Variants in ABLIM2 observed in about 807,000 individuals in gnomAD.
ABLIM2 encodes the protein actin-binding LIM protein 2.
ABLIM2 carries 53 observed loss-of-function variants against 97.7 expected under a neutral mutation model. That is an observed-to-expected ratio of 0.54 (90% CI 0.44 to 0.68). The LOEUF is 0.68. Among genes scored for constraint, ABLIM2 ranks in the 30% least tolerant of loss-of-function variants. The pLI is 0.00. For synonymous variants in ABLIM2, 361 were observed against 345.8 expected, an observed-to-expected ratio of 1.04 and a Z score of -0.49; for missense variants, 835 against 867.2, an observed-to-expected ratio of 0.96 and a Z score of 0.47.
At chr4:8,142,536 C>T (rs755881758) in intron 1 of ABLIM2, among the ~76,000 whole-genome samples, 2 of 152,226 alleles carry the variant, frequency 1.3e-5, no homozygotes, top group Non-Finnish European at 2.9e-5. Context: ...AAACAAGTGC[C>T]CACCCCAGCC....
At chr4:8,039,562 G>A (rs1786769863) in intron 9 of ABLIM2, among the ~76,000 whole-genome samples, 1 of 152,144 alleles carries the variant, frequency 6.6e-6, no homozygotes, top group African/African-American at 2.4e-5. Context: ...TGTGTAAAGG[G>A]TTTTTCCTCT....
chr4:8,002,265 T>A lies in ABLIM2; in HGVS notation c.1618+5794A>T, dbSNP rs1282259477. Among the ~76,000 whole-genome samples, 3 of 152,098 alleles carry A rather than the reference T, an allele frequency of 2.0e-5. No individual in the cohort carries two copies. Among genetic ancestry groups the A allele is most frequent in the Admixed American group, 1.3e-4 (2 of 15,276 alleles). On this transcript the variant is annotated intron_variant, in intron 16 of 20. Transcript: ENST00000447017. The surrounding 1 kb of genome is among the most constrained non-coding windows in gnomAD (Gnocchi z 6.1). The stretch of plus-strand genomic sequence containing the variant: ...AAGCCAACATGAAGACACCCACCTG[T>A]TCTCATCCCATCTCTGAATAAAGGT...
chr4:8,141,042 C>G (rs555931946), intron 1 of ABLIM2, among the ~76,000 whole-genome samples: 1 of 152,112 alleles, frequency 6.6e-6, no homozygotes, highest in Non-Finnish European at 1.5e-5. Context: ...CTGAGCTGCC[C>G]TTGCCTTAGC....
chr4:8,121,221 T>C (rs979417220), intron 1 of ABLIM2, among the ~76,000 whole-genome samples: 2 of 152,188 alleles, frequency 1.3e-5, no homozygotes, highest in East Asian at 3.9e-4. Context: ...CACACGGGGC[T>C]GGCAGGAGTT....
Position 7,984,860 on chromosome 4 carries a change from C to A in ABLIM2, c.1714G>T (p.Asp572Tyr), listed in dbSNP as rs773972716. 1.2e-6 allele frequency: 2 copies of A among 1,607,514 alleles called. No individual in the cohort carries two copies. The highest frequency in any genetic ancestry group is 1.7e-6 in the Non-Finnish European group (2 of 1,177,426). The part of the protein sequence containing the change: ...ANLAPCGADP[D>Y]ASWGMREYKI... ...GTACCTCGCATGCCCCAGCTGGCAT[C>A]CGGGTCTGCTCCACAGGGGGCCAGA... Residue 572 changes from aspartate to tyrosine, a missense_variant, in exon 18 of 21, where the codon GAT becomes TAT. Physicochemically the swap from Asp to Tyr is radical, Grantham distance 160. Transcript: ENST00000447017.
rs1167615555 is a variant in ABLIM2 at position 7,980,941 on chromosome 4, A to ATTTTTTTTTTTTTTTTTTTTTTTTTT, written c.1824+2322_1824+2323insAAAAAAAAAAAAAAAAAAAAAAAAAA. ...AGAACCATGGTCTCCACAACCCCTT[A>ATTTTTTTTTTTTTTTTTTTTTTTTTT]TTTTTTTTTTTTTTTTTTTTGAGAT... is the stretch of plus-strand genomic sequence containing the variant. On this transcript the variant is annotated intron_variant, in intron 20 of 20. Coordinates refer to ENST00000447017, the MANE Select transcript of ABLIM2 (RefSeq NM_001130083.2). 2.0e-3 allele frequency among the ~76,000 whole-genome samples: 165 copies of ATTTTTTTTTTTTTTTTTTTTTTTTTT among 82,956 alleles called. 30 individuals carry two copies. The highest frequency in any genetic ancestry group is 3.0e-3 in the African/African-American group (54 of 18,102). The allele number at this position is 82,956 out of a possible 152,430, so 54.4% of individuals were successfully genotyped here.
rs532898019 is a variant in ABLIM2, at chr4:8,051,314, C to T, written c.822+2874G>A. Among the ~76,000 whole-genome samples the T allele has an allele frequency of 2.1e-3, 318 of 152,078 alleles. 1 individual carries two copies. Among genetic ancestry groups the T allele is most frequent in the South Asian group, 8.9e-3 (43 of 4,814 alleles). On this transcript the variant is annotated intron_variant, in intron 8 of 20. Transcript: ENST00000447017. ...CTGTAATCCCAGCACTTTGGGAGGC[C>T]GAGGCGGGCGGATCCCGAGGTCAAG... is the stretch of plus-strand genomic sequence containing the variant.
Position 7,996,511 on chromosome 4 carries a change from T to C in ABLIM2, c.1619-3584A>G, listed in dbSNP as rs567829369. On this transcript the variant is annotated intron_variant, in intron 16 of 20. Coordinates refer to ENST00000447017, the MANE Select transcript of ABLIM2 (RefSeq NM_001130083.2). This position sits in a 1 kb window ranked among gnomAD's most constrained non-coding sequence, Gnocchi z 4.5. ...TTTATCCTCCCCACTTTGACTATGA[T>C]AGTCTCAGGGACGTCTTCTGTTTCC... Among the ~76,000 whole-genome samples the C allele has an allele frequency of 4.6e-5, 7 of 152,328 alleles. No individual in the cohort carries two copies. Among genetic ancestry groups the C allele is most frequent in the African/African-American group, 1.7e-4 (7 of 41,576 alleles).
chr4:8,055,551 C>T (rs889835810), intron 7 of ABLIM2, among the ~76,000 whole-genome samples: 3 of 152,236 alleles, frequency 2.0e-5, no homozygotes, highest in South Asian at 2.1e-4. Context: ...TTTGCTCCCA[C>T]GAAGGTGAGG....
At chr4:8,018,402 G>T (rs1053580608) in intron 14 of ABLIM2, among the ~76,000 whole-genome samples, 1 of 152,160 alleles carries the variant, frequency 6.6e-6, no homozygotes, top group Admixed American at 6.5e-5. Flanking sequence ...GTAACCCAAG[G>T]GAACTGGTCT....
intron 20 of ABLIM2, 42 bp from the exon 21 acceptor site, chr4:7,967,145 G>T: frequency 6.5e-7 from 1 of 1,531,574 alleles, no homozygotes. Flanking sequence ...AGTTAGCCAC[G>T]CAGCAAGGGA....
chr4:8,002,772 A>T lies in ABLIM2; in HGVS notation c.1618+5287T>A, dbSNP rs573749973. Among the ~76,000 whole-genome samples, 30 of 152,154 alleles carry T rather than the reference A, an allele frequency of 2.0e-4. No individual in the cohort carries two copies. Among genetic ancestry groups the T allele is most frequent in the Admixed American group, 1.5e-3 (23 of 15,274 alleles). On this transcript the variant is annotated intron_variant, in intron 16 of 20. Transcript: ENST00000447017. The surrounding 1 kb of genome is among the most constrained non-coding windows in gnomAD (Gnocchi z 6.1). ...CACAAACTGCTCTGTGACCTGACGC[A>T]TGGCCCTCACTGTTCTTCCAACCCA...
At chr4:8,126,097 A>G (rs1197478307) in intron 1 of ABLIM2, among the ~76,000 whole-genome samples, 4 of 152,128 alleles carry the variant, frequency 2.6e-5, no homozygotes, top group African/African-American at 9.7e-5. Context: ...GGCCACTGTC[A>G]CTGCCTGAGC....
chr4:8,080,774 C>G lies in ABLIM2; in HGVS notation c.483G>C (p.Lys161Asn). The G allele has an allele frequency of 6.2e-7, 1 of 1,609,948 alleles. No individual in the cohort carries two copies. The highest frequency in any genetic ancestry group is 8.5e-7 in the Non-Finnish European group (1 of 1,177,478). The stretch of plus-strand genomic sequence containing the variant: ...CCAAGGCTACCAGGGCCTGGCCATT[C>G]TTGATTTCTGTGCCGCAGCCCCCAC... ...RSCGGCGTEI[K>N]NGQALVALDK... Residue 161 changes from lysine (K) to asparagine (N), a missense_variant, in exon 5 of 21, where the codon AAG becomes AAC. By Grantham distance (94) the Lys-to-Asn change is moderately conservative. Transcript: ENST00000447017.
In ABLIM2 at chr4:8,147,229, G is replaced by A. The variant is rs916006374; in HGVS notation, c.10+11451C>T. 5.3e-5 allele frequency among the ~76,000 whole-genome samples: 8 copies of A among 152,118 alleles called. No homozygotes were observed. The highest frequency in any genetic ancestry group is 1.0e-4 in the Non-Finnish European group (7 of 68,012). ...CAGTCTGTGACAGGATCTAACTCCC[G>A]GGACGTTTAAATTTAGCGAGTAACA... On this transcript the variant is annotated intron_variant, in intron 1 of 20. Transcript: ENST00000447017. This position sits in a 1 kb window ranked among gnomAD's most constrained non-coding sequence, Gnocchi z 5.3.
chr4:8,010,669 G>A (rs1377395313), intron 14 of ABLIM2: 6 of 850,610 alleles, frequency 7.1e-6, no homozygotes, highest in Admixed American at 6.2e-5. Context: ...GATTTTCAGC[G>A]TGAAAATACA....
rs147351263 is a variant in ABLIM2 at position 8,054,316 on chromosome 4, G to T, written c.764-70C>A. 10,673 of 1,527,106 alleles carry T rather than the reference G, an allele frequency of 7.0e-3. 50 individuals are homozygous for T. The highest frequency in any genetic ancestry group is 8.4e-3 in the Non-Finnish European group (9,253 of 1,105,948). 94.6% of individuals were successfully genotyped at this position (1,527,106 alleles called of 1,614,324 possible). ...ATGTTGCAGGGGCCTGTGTGGAAAC[G>T]CAGAGGAGGGAGCTGGTCCATGCAC... On this transcript the variant is annotated intron_variant, in intron 7 of 20. Transcript: ENST00000447017. This position sits in a 1 kb window ranked among gnomAD's most constrained non-coding sequence, Gnocchi z 4.9.
intron 2 of ABLIM2, among the ~76,000 whole-genome samples, chr4:8,104,712 C>T (rs377438892): frequency 1.3e-5 from 2 of 152,158 alleles, no homozygotes; most frequent in African/African-American, 4.8e-5. Context: ...GTCACCGACC[C>T]CCTGCAGGGC....
At position 8,086,451 on chromosome 4, in the gene ABLIM2, G is replaced by A. The variant is rs954344215; in HGVS notation, c.454+1718C>T. Among the ~76,000 whole-genome samples, 4 of 150,580 alleles carry A rather than the reference G, an allele frequency of 2.7e-5. No homozygotes were observed. The South Asian group carries it at 6.3e-4, about 24-fold the overall frequency. On this transcript the variant is annotated intron_variant, in intron 4 of 20. Coordinates refer to ENST00000447017, the MANE Select transcript of ABLIM2 (RefSeq NM_001130083.2). Reference sequence around the variant, plus strand: ...CAATCTCTGCCTCCCAAGTTCAAGCGATTCTCCTGCCTCGGCATCCTGAGT... The same window carrying A: ...CAATCTCTGCCTCCCAAGTTCAAGCAATTCTCCTGCCTCGGCATCCTGAGT...
Sources: allele counts gnomAD v4.1 joint callset (sites outside exome capture counted in the v4.1 genomes callset), GRCh38; gene constraint gnomAD v4.1.1; non-coding constraint Gnocchi (gnomAD v3.1); transcripts MANE v1.5; gene names NCBI Gene and HGNC (gene_info 2026-07-23, HGNC 2026-07-21).